Variants in BAIAP2 observed in about 807,000 individuals in gnomAD.
The protein encoded by BAIAP2 is BAR/IMD domain-containing adapter protein 2.
A neutral mutation model predicts 63.0 loss-of-function variants in BAIAP2; 18 were observed. The ratio of observed to expected loss-of-function variants is 0.29; its 90% CI spans 0.20 to 0.42. The LOEUF (loss-of-function observed/expected upper bound fraction) is 0.42. BAIAP2 is among the 10% of genes least tolerant of loss of function. BAIAP2 has a pLI of 1.00. For synonymous variants in BAIAP2, 386 were observed against 307.6 expected (o/e 1.25, Z -2.67); for missense variants, 610 against 734.3 (o/e 0.83, Z 1.96).
intron 3 of BAIAP2, among the ~76,000 whole-genome samples, chr17:81,058,791 A>T (rs892957042): frequency 3.3e-5 from 5 of 152,146 alleles, no homozygotes; most frequent in Admixed American, 2.6e-4. Flanking sequence ...GGTGGTCTGC[A>T]GGTCTGGAGA....
At chr17:81,081,231 A>T (rs112139271) in intron 3 of BAIAP2, among the ~76,000 whole-genome samples, 1 of 152,196 alleles carries the variant, frequency 6.6e-6, no homozygotes, top group African/African-American at 2.4e-5. Flanking sequence ...CGTGGTGTCC[A>T]TCCTGGGAAT....
chr17:81,036,944 G>A, intron 1 of BAIAP2: 1 of 1,535,924 alleles, frequency 6.5e-7, no homozygotes, highest in Non-Finnish European at 8.7e-7. Flanking sequence ...GAACTTTCGT[G>A]GTGAGAGTTG....
At chr17:81,101,624 T>G (rs962162322) in intron 7 of BAIAP2, among the ~76,000 whole-genome samples, 4 of 139,378 alleles carry the variant, frequency 2.9e-5, no homozygotes, top group African/African-American at 9.9e-5. Context: ...CTCATGTACG[T>G]GCGCGTGCGT....
At chr17:81,085,765 G>T (rs749835760) in intron 5 of BAIAP2, 40 bp downstream of exon 5, 33 of 1,535,218 alleles carry the variant, frequency 2.1e-5, no homozygotes, top group Middle Eastern at 1.9e-4. Context: ...CCCTGTGCCT[G>T]GGCTCCGGCT....
At chr17:81,058,528 C>T (rs1185556070) in intron 3 of BAIAP2, among the ~76,000 whole-genome samples, 2 of 152,224 alleles carry the variant, frequency 1.3e-5, no homozygotes, top group African/African-American at 2.4e-5. Context: ...GTGGCTTAGA[C>T]GGAGTCCATG....
intron 1 of BAIAP2, among the ~76,000 whole-genome samples, chr17:81,040,940 G>C (rs1018157422): frequency 1.2e-4 from 18 of 152,334 alleles, no homozygotes; most frequent in Non-Finnish European, 1.8e-4. Context: ...ATGGTGGGGA[G>C]GTAGGGCCTG....
At chr17:81,052,746 C>T (rs2048868209) in intron 1 of BAIAP2, among the ~76,000 whole-genome samples, 1 of 152,154 alleles carries the variant, frequency 6.6e-6, no homozygotes, top group Non-Finnish European at 1.5e-5. Context: ...ATGCAGTTGC[C>T]CTTCCCTCCC....
chr17:81,112,349 T>C (rs972737711), intron 13 of BAIAP2, among the ~76,000 whole-genome samples: 1 of 152,252 alleles, frequency 6.6e-6, no homozygotes, highest in Non-Finnish European at 1.5e-5. Flanking sequence ...CACTCCACAG[T>C]GCCAGGGGCC....
chr17:81,051,379 C>CTTTTGTTTG (rs1032669296), intron 1 of BAIAP2, among the ~76,000 whole-genome samples: 1 of 152,116 alleles, frequency 6.6e-6, no homozygotes, highest in East Asian at 1.9e-4. Flanking sequence ...GGGATCTTCT[C>CTTTTGTTTG]TTTTGTTTGT....
intron 10 of BAIAP2, chr17:81,105,824 C>A: frequency 2.3e-6 from 1 of 436,254 alleles, no homozygotes. Context: ...GGCTCTGGGG[C>A]CTTGCAGTTG....
intron 3 of BAIAP2, among the ~76,000 whole-genome samples, chr17:81,081,309 G>A (rs764344926): frequency 1.3e-5 from 2 of 152,202 alleles, no homozygotes; most frequent in Non-Finnish European, 2.9e-5. Context: ...GGGTCCCACC[G>A]TCTCAGGCTT....
At chr17:81,067,586 T>G (rs1598611375) in intron 3 of BAIAP2, among the ~76,000 whole-genome samples, 1 of 152,342 alleles carries the variant, frequency 6.6e-6, no homozygotes, top group East Asian at 1.9e-4. Context: ...GCTCGTGGTT[T>G]GATCCTGAGC....
Position 81,035,252 on chromosome 17 carries a change from A to G in BAIAP2, c.-3A>G, listed in dbSNP as rs1309017856. ...GTCTGTGGTGCAGCCGGGACCCAGG[A>G]CCATGTCTCTGTCTCGCTCAGAGGA... On this transcript the variant is annotated 5_prime_UTR_variant, in exon 1 of 14. Transcript: ENST00000428708. The G allele has an allele frequency of 2.0e-6, 3 of 1,520,528 alleles. No homozygotes were observed. Among genetic ancestry groups the G allele is most frequent in the Non-Finnish European group, 2.7e-6 (3 of 1,130,620 alleles). 94.2% of individuals were successfully genotyped at this position (1,520,528 alleles called of 1,614,324 possible).
chr17:81,062,582 G>A (rs1398353763), intron 3 of BAIAP2, among the ~76,000 whole-genome samples: 1 of 152,116 alleles, frequency 6.6e-6, no homozygotes, highest in East Asian at 1.9e-4. Flanking sequence ...CGGCCGTGCA[G>A]AGTCAGCTTC....
At chr17:81,082,412 G>T (rs550913477) in intron 3 of BAIAP2, among the ~76,000 whole-genome samples, 2 of 152,246 alleles carry the variant, frequency 1.3e-5, no homozygotes, top group South Asian at 2.1e-4. Flanking sequence ...TGTCATCTTC[G>T]CAGGCAGAGG....
chr17:81,045,983 C>T (rs1228586764), intron 1 of BAIAP2, among the ~76,000 whole-genome samples: 1 of 152,174 alleles, frequency 6.6e-6, no homozygotes, highest in Non-Finnish European at 1.5e-5. Flanking sequence ...TGCGGGGTCT[C>T]ATGGCCTGGG....
At chr17:81,050,187 G>A (rs1327804864) in intron 1 of BAIAP2, among the ~76,000 whole-genome samples, 4 of 152,198 alleles carry the variant, frequency 2.6e-5, no homozygotes, top group African/African-American at 9.7e-5. Context: ...GGAGGAACTG[G>A]CCCTTCCGCC....
intron 7 of BAIAP2, among the ~76,000 whole-genome samples, chr17:81,103,125 A>G (rs1381908946): frequency 1.3e-5 from 2 of 151,584 alleles, no homozygotes; most frequent in Non-Finnish European, 2.9e-5. Context: ...GGGCAGCACC[A>G]CCCCCTCCCC....
At chr17:81,103,015 C>T (rs1490619623) in intron 7 of BAIAP2, among the ~76,000 whole-genome samples, 1 of 152,224 alleles carries the variant, frequency 6.6e-6, no homozygotes, top group Non-Finnish European at 1.5e-5. Context: ...CCCGAGGGAG[C>T]GCGGGCTCTT....
Sources: gnomAD v4.1 joint callset for allele counts (sites outside exome capture counted in the v4.1 genomes callset) on GRCh38, gnomAD v4.1.1 for gene constraint, MANE v1.5 for transcripts, NCBI Gene and HGNC (gene_info 2026-07-23, HGNC 2026-07-21) for gene names.